SPAG16: variants seen among roughly 807,000 people sequenced by gnomAD.
SPAG16 encodes sperm associated antigen 16, also known as sperm-associated antigen 16 protein.
Under a neutral mutation model 80.4 loss-of-function variants are expected in SPAG16, and 86 were observed. That is an observed-to-expected ratio of 1.07 (90% CI 0.90 to 1.28). The LOEUF (loss-of-function observed/expected upper bound fraction) is 1.28, where lower values mean the gene tolerates loss of function less well. Among genes scored for constraint, SPAG16 ranks in the 50% most tolerant of loss-of-function variants. SPAG16 has a pLI of 0.00. For missense variants in SPAG16, 870 were observed against 765.3 expected, an observed-to-expected ratio of 1.14 and a Z score of -1.61; for synonymous variants, 294 against 265.9, an observed-to-expected ratio of 1.11 and a Z score of -1.03.
intron 9 of SPAG16, among the ~76,000 whole-genome samples, chr2:213,410,739 G>C (rs922235708): frequency 4.6e-5 from 7 of 152,192 alleles, no homozygotes; most frequent in African/African-American, 1.7e-4. Flanking sequence ...ACACTTGTGC[G>C]CACGGCAAGC....
At chr2:214,270,184 A>G (rs1372901435) in intron 15 of SPAG16, among the ~76,000 whole-genome samples, 1 of 152,208 alleles carries the variant, frequency 6.6e-6, no homozygotes, top group Non-Finnish European at 1.5e-5. Flanking sequence ...CTACTTGTCT[A>G]CATAAATATT....
intron 11 of SPAG16, 70 bp from the exon 12 acceptor site, chr2:213,929,890 A>G (rs1321424893): frequency 2.2e-6 from 3 of 1,367,812 alleles, no homozygotes; most frequent in Non-Finnish European, 2.0e-6. Context: ...CAAATTACTC[A>G]TAGAATGCAG....
chr2:214,019,336 G>C (rs1429675808), intron 13 of SPAG16, among the ~76,000 whole-genome samples: 1 of 151,992 alleles, frequency 6.6e-6, no homozygotes, highest in Non-Finnish European at 1.5e-5. Flanking sequence ...ATGAGAATGA[G>C]ATGAGTAATA....
At chr2:213,718,883 G>A (rs1046010839) in intron 10 of SPAG16, among the ~76,000 whole-genome samples, 6 of 152,180 alleles carry the variant, frequency 3.9e-5, no homozygotes, top group East Asian at 1.9e-4. Context: ...GCGAGCACAC[G>A]GCGCAGGACT....
chr2:214,290,842 A>T (rs1693742305), intron 15 of SPAG16, among the ~76,000 whole-genome samples: 1 of 152,238 alleles, frequency 6.6e-6, no homozygotes, highest in Non-Finnish European at 1.5e-5. Context: ...GATGAGAAGA[A>T]TGTATATTTT....
At chr2:213,940,373 A>T (rs1456603778) in intron 12 of SPAG16, among the ~76,000 whole-genome samples, 1 of 152,048 alleles carries the variant, frequency 6.6e-6, no homozygotes, top group Non-Finnish European at 1.5e-5. Flanking sequence ...TGTAGCCTGG[A>T]ACTCTTGGTC....
rs1037604816 is a variant in SPAG16, at chr2:213,728,702, C to G, written c.1071-133783C>G. On this transcript the variant is annotated intron_variant, in intron 10 of 15. Coordinates refer to ENST00000331683, the MANE Select transcript of SPAG16 (RefSeq NM_024532.5). Reference sequence around the variant, plus strand: ...ACCATCCTGGCTAACACGGTGAAACCCTGTCTCTACTAAAAATACGAAAAA... The same window carrying G: ...ACCATCCTGGCTAACACGGTGAAACGCTGTCTCTACTAAAAATACGAAAAA... Among the ~76,000 whole-genome samples, 5 of 151,622 alleles carry G rather than the reference C, an allele frequency of 3.3e-5. No individual in the cohort carries two copies. In the South Asian group the frequency reaches 6.3e-4, roughly 19 times the overall value.
At chr2:213,848,831 C>A (rs1395667573) in intron 10 of SPAG16, among the ~76,000 whole-genome samples, 3 of 152,056 alleles carry the variant, frequency 2.0e-5, no homozygotes, top group African/African-American at 7.2e-5. Flanking sequence ...TTGATCTATT[C>A]CTCTTGTTCA....
intron 13 of SPAG16, among the ~76,000 whole-genome samples, chr2:214,044,321 T>C (rs530230733): frequency 1.6e-3 from 244 of 152,344 alleles, no homozygotes; most frequent in African/African-American, 5.3e-3. Flanking sequence ...TGTTCATCTT[T>C]CCATTCATAA....
At chr2:213,795,826 CCA>C (rs752976683) in intron 10 of SPAG16, among the ~76,000 whole-genome samples, 4 of 152,182 alleles carry the variant, frequency 2.6e-5, no homozygotes, top group Non-Finnish European at 4.4e-5. Context: ...CCTTCACCTT[CCA>C]CAGTGATTTT....
At chr2:213,799,287 A>C (rs1158993815) in intron 10 of SPAG16, among the ~76,000 whole-genome samples, 1 of 151,928 alleles carries the variant, frequency 6.6e-6, no homozygotes. Context: ...TTTTTCACTT[A>C]TTTTATTAAA....
At chr2:213,976,847 T>A (rs2045435439) in intron 12 of SPAG16, among the ~76,000 whole-genome samples, 1 of 151,220 alleles carries the variant, frequency 6.6e-6, no homozygotes, top group South Asian at 2.1e-4. Flanking sequence ...TTGTTTGTTT[T>A]TTCCTAAAAC....
intron 9 of SPAG16, among the ~76,000 whole-genome samples, chr2:213,439,544 G>A (rs892065037): frequency 1.3e-5 from 2 of 152,162 alleles, no homozygotes; most frequent in Non-Finnish European, 2.9e-5. Context: ...GATGAACCTG[G>A]ATGAAAGGAA....
In SPAG16 at chr2:213,910,739, C is replaced by T. The variant is rs1222430060; in HGVS notation, c.1215-19221C>T. ...TCCTGACCTCGTGATCCGCCCGCCT[C>T]GGCCTCCCAAAGTGCTGGGATTACA... On this transcript the variant is annotated intron_variant, in intron 11 of 15. Transcript: ENST00000331683. Among the ~76,000 whole-genome samples, 3 of 29,912 alleles carry T rather than the reference C, an allele frequency of 1.0e-4. 1 individual carries two copies. The highest frequency in any genetic ancestry group is 1.8e-4 in the African/African-American group (3 of 17,110). 19.6% of individuals were successfully genotyped at this position (29,912 alleles called of 152,430 possible). A position where few individuals can be genotyped will look rare whatever the true frequency, so the allele number is the denominator to read the frequency against.
chr2:213,316,841 G>A (rs930803120), intron 4 of SPAG16, among the ~76,000 whole-genome samples: 3 of 151,936 alleles, frequency 2.0e-5, no homozygotes, highest in African/African-American at 7.2e-5. Flanking sequence ...ACTCCCATCA[G>A]TGTTTCCACC....
Position 213,869,297 on chromosome 2 carries a change from A to ATATATG in SPAG16, c.1214+6674_1214+6675insGTATAT, listed in dbSNP as rs1553648829. Among the ~76,000 whole-genome samples the ATATATG allele has an allele frequency of 8.0e-4, 100 of 124,880 alleles. 1 individual carries two copies. The highest frequency in any genetic ancestry group is 2.4e-3 in the African/African-American group (85 of 35,908). The allele number at this position is 124,880 out of a possible 152,430, so 81.9% of individuals were successfully genotyped here. On this transcript the variant is annotated intron_variant, in intron 11 of 15. Transcript: ENST00000331683. ...TATATATATGTATATATATATGTAT[A>ATATATG]TATATATATAATATGTATACACACA... is the stretch of plus-strand genomic sequence containing the variant.
Position 213,509,845 on chromosome 2 carries a change from CA to C in SPAG16, c.1070+19761del, listed in dbSNP as rs539018290. 1.1e-3 allele frequency among the ~76,000 whole-genome samples: 173 copies of C among 152,188 alleles called. 1 individual carries two copies. Among genetic ancestry groups the C allele is most frequent in the Non-Finnish European group, 1.8e-3 (122 of 68,002 alleles). ...AGCAGAACTGAAGGAAATTGAGACACAAAAAACCCTTCAAAAATTAATGAAT... is the reference window on the plus strand; with the variant it reads ...AGCAGAACTGAAGGAAATTGAGACACAAAAACCCTTCAAAAATTAATGAAT... On this transcript the variant is annotated intron_variant, in intron 10 of 15. Coordinates refer to ENST00000331683, the MANE Select transcript of SPAG16 (RefSeq NM_024532.5).
chr2:213,918,724 A>G (rs991789371), intron 11 of SPAG16, among the ~76,000 whole-genome samples: 2 of 152,140 alleles, frequency 1.3e-5, no homozygotes, highest in African/African-American at 4.8e-5. Flanking sequence ...TTTCTTTATA[A>G]ATACCCAGTC....
chr2:214,337,965 A>C (rs1330198216), intron 15 of SPAG16, among the ~76,000 whole-genome samples: 1 of 152,180 alleles, frequency 6.6e-6, no homozygotes, highest in Non-Finnish European at 1.5e-5. Context: ...GCTAGAAAGG[A>C]CATGACTAGT....
Sources: allele counts gnomAD v4.1 joint callset (sites outside exome capture counted in the v4.1 genomes callset), GRCh38; gene constraint gnomAD v4.1.1; transcripts MANE v1.5; gene names NCBI Gene and HGNC (gene_info 2026-07-23, HGNC 2026-07-21).